The following PTPRN2 variants were observed in gnomAD, a reference collection of about 807,000 sequenced individuals.
PTPRN2 encodes protein tyrosine phosphatase receptor type N2.
PTPRN2 carries 74 observed loss-of-function variants against 118.8 expected under a neutral mutation model. The ratio of observed to expected loss-of-function variants is 0.62; its 90% CI spans 0.52 to 0.76. PTPRN2 has a LOEUF of 0.76. Among genes scored for constraint, PTPRN2 ranks in the 30% least tolerant of loss-of-function variants. The pLI is 0.00. For missense variants in PTPRN2, 1,481 were observed against 1,394.4 expected (o/e 1.06, Z -0.99); for synonymous variants, 641 against 608.0 (o/e 1.05, Z -0.80).
At chr7:157,698,689 G>A (rs182927903) in intron 12 of PTPRN2, among the ~76,000 whole-genome samples, 1 of 152,328 alleles carries the variant, frequency 6.6e-6, no homozygotes, top group East Asian at 1.9e-4. Flanking sequence ...AGTCTCCCTA[G>A]AGGTGAATCC....
intron 12 of PTPRN2, among the ~76,000 whole-genome samples, chr7:157,778,626 CTATGTAGACATGTACACATGAATACAG>C (rs1803485538): frequency 6.6e-6 from 1 of 151,770 alleles, no homozygotes; most frequent in Non-Finnish European, 1.5e-5. Context: ...TATCGAATGC[CTATGTAGACATGTACACATGAATACAG>C]GCACTGGATG....
chr7:158,277,168 CAT>C (rs1172183994), intron 3 of PTPRN2, among the ~76,000 whole-genome samples: 1 of 152,234 alleles, frequency 6.6e-6, no homozygotes, highest in Non-Finnish European at 1.5e-5. Context: ...TGCACATAAA[CAT>C]GCTCTTCTCA....
At chr7:157,799,248 G>A (rs946215877) in intron 12 of PTPRN2, among the ~76,000 whole-genome samples, 1 of 152,074 alleles carries the variant, frequency 6.6e-6, no homozygotes, top group Non-Finnish European at 1.5e-5. Context: ...TGAGGGCAAC[G>A]GGCCCTCCCT....
At chr7:158,149,054 A>C in intron 6 of PTPRN2, among the ~76,000 whole-genome samples, 1 of 119,780 alleles carries the variant, frequency 8.3e-6, no homozygotes, top group Non-Finnish European at 1.7e-5. Context: ...CTGACACCCC[A>C]TCTCATGCCA....
In PTPRN2 at chr7:157,996,555, C is replaced by G. The variant is rs537679322; in HGVS notation, c.1723+84743G>C. On this transcript the variant is annotated intron_variant, in intron 11 of 22. Coordinates refer to ENST00000389418, the MANE Select transcript of PTPRN2 (RefSeq NM_002847.5). ...CCAAGGCGGGCAGCTCCTGCGTGCACATGGGGGCTCCCACCACCCCGAGGG... is the reference window on the plus strand; with the variant it reads ...CCAAGGCGGGCAGCTCCTGCGTGCAGATGGGGGCTCCCACCACCCCGAGGG... 9.2e-5 allele frequency among the ~76,000 whole-genome samples: 14 copies of G among 152,340 alleles called. No individual in the cohort carries two copies. The East Asian group carries it at 2.5e-3, about 27-fold the overall frequency.
At chr7:158,549,592 G>A (rs117062036) in intron 1 of PTPRN2, among the ~76,000 whole-genome samples, 1,672 of 152,388 alleles carry the variant, frequency 0.011, 18 homozygotes, top group Non-Finnish European at 0.018. Context: ...TCGCCTGAGC[G>A]CTCGCTAGGG....
Position 158,531,559 on chromosome 7 carries a change from C to T in PTPRN2, c.113-41774G>A, listed in dbSNP as rs78209641. ...CCATGAGGCCTCCTCACGAGGCAGA[C>T]GGGTGTTTGCTGTGGTGGACAGATG... On this transcript the variant is annotated intron_variant, in intron 1 of 22. Transcript: ENST00000389418. Among the ~76,000 whole-genome samples the T allele has an allele frequency of 4.6e-5, 7 of 152,346 alleles. No individual in the cohort carries two copies. In the Middle Eastern group the frequency reaches 0.01, roughly 222 times the overall value.
intron 12 of PTPRN2, among the ~76,000 whole-genome samples, chr7:157,873,144 T>C (rs550382863): frequency 7.9e-5 from 12 of 152,352 alleles, no homozygotes; most frequent in South Asian, 2.1e-4. Flanking sequence ...TCATTCCCTC[T>C]GACCGGGCCT....
intron 12 of PTPRN2, among the ~76,000 whole-genome samples, chr7:157,702,065 G>A (rs138470904): frequency 0.021 from 3,084 of 149,912 alleles, 123 homozygotes; most frequent in East Asian, 0.11. Flanking sequence ...TGTAACTGAC[G>A]TGGGCTGTGC....
chr7:158,257,116 G>A (rs554081347), intron 3 of PTPRN2, among the ~76,000 whole-genome samples: 24 of 152,206 alleles, frequency 1.6e-4, no homozygotes, highest in African/African-American at 4.3e-4. Context: ...TGAGGGACCC[G>A]GACAACCAGA....
chr7:157,586,788 T>C (rs1800700742), intron 17 of PTPRN2, among the ~76,000 whole-genome samples: 1 of 152,222 alleles, frequency 6.6e-6, no homozygotes, highest in Admixed American at 6.5e-5. Context: ...TCCGGGACAC[T>C]CAGGGCCCTG....
chr7:158,536,969 G>A (rs770905693), intron 1 of PTPRN2, among the ~76,000 whole-genome samples: 88 of 152,204 alleles, frequency 5.8e-4, no homozygotes, highest in Non-Finnish European at 1.0e-3. Flanking sequence ...CTACGTGATG[G>A]TGTTAGGAGG....
chr7:158,420,923 C>T (rs190670091), intron 2 of PTPRN2, among the ~76,000 whole-genome samples: 9 of 152,292 alleles, frequency 5.9e-5, no homozygotes, highest in Admixed American at 2.6e-4. Context: ...GGCTTACAGA[C>T]GCCCTGGGTT....
Position 157,621,372 on chromosome 7 carries a change from G to A in PTPRN2, c.2334C>T (p.Ala778=), listed in dbSNP as rs1130502. ...EENVPKNRSL[A]VLTYDHSRVL... ...GGGGCTGGTACGTACAGGTCAGCAC[G>A]GCCAGGGAGCGGTTCTTGGGCACGT... The change falls in exon 15 of 23, where the codon GCC becomes GCT. Residue 778 remains alanine (A), a synonymous_variant. Coordinates refer to ENST00000389418, the MANE Select transcript of PTPRN2 (RefSeq NM_002847.5). 0.44 allele frequency: 686,188 copies of A among 1,551,954 alleles called. 155,913 individuals carry two copies. The highest frequency in any genetic ancestry group is 0.63 in the African/African-American group (46,225 of 72,962).
At chr7:157,995,492 G>A (rs892285051) in intron 11 of PTPRN2, among the ~76,000 whole-genome samples, 6 of 152,250 alleles carry the variant, frequency 3.9e-5, no homozygotes, top group African/African-American at 1.4e-4. Flanking sequence ...GCCACATCTG[G>A]GAGATAAAAA....
chr7:157,556,658 T>C (rs1798903600), intron 21 of PTPRN2, among the ~76,000 whole-genome samples: 2 of 142,608 alleles, frequency 1.4e-5, no homozygotes, highest in African/African-American at 5.3e-5. Context: ...CACACAAACA[T>C]GCACACCCCA....
intron 1 of PTPRN2, among the ~76,000 whole-genome samples, chr7:158,494,128 T>G (rs1448589964): frequency 6.6e-6 from 1 of 152,262 alleles, no homozygotes; most frequent in East Asian, 1.9e-4. Flanking sequence ...ATGGAGAGTT[T>G]GTTGTTCATT....
At chr7:157,898,436 G>GT (rs1240949978) in intron 12 of PTPRN2, among the ~76,000 whole-genome samples, 1 of 152,150 alleles carries the variant, frequency 6.6e-6, no homozygotes, top group Admixed American at 6.5e-5. Flanking sequence ...GCTTTTTCTT[G>GT]TGGGGATACT....
chr7:157,656,667 G>A (rs949271872), intron 13 of PTPRN2, 116 bp from the exon 14 acceptor site: 5 of 1,124,850 alleles, frequency 4.4e-6, no homozygotes, highest in Non-Finnish European at 6.2e-6. Context: ...CCAAGGTTCA[G>A]GCAGGCGAGA....
Sources: allele counts gnomAD v4.1 joint callset (sites outside exome capture counted in the v4.1 genomes callset), GRCh38; gene constraint gnomAD v4.1.1; transcripts MANE v1.5; gene names NCBI Gene and HGNC (gene_info 2026-07-23, HGNC 2026-07-21).